The following DNM1 variants were observed in gnomAD, a reference collection of about 807,000 sequenced individuals.
The protein encoded by DNM1 is dynamin-1.
In DNM1, 29 loss-of-function variants were observed where a neutral mutation model predicts 104.6. That is an observed-to-expected ratio of 0.28 (90% CI 0.21 to 0.38). The LOEUF is 0.38. Ranked by LOEUF, DNM1 falls within the 10% of genes least tolerant of loss-of-function variation. The pLI, the probability that DNM1 is intolerant of heterozygous loss-of-function variation, is 1.00. For missense variants in DNM1, 640 were observed against 1,189.4 expected (o/e 0.54, Z 6.79); for synonymous variants, 445 against 475.8 (o/e 0.94, Z 0.84).
intron 16 of DNM1, among the ~76,000 whole-genome samples, 180 bp downstream of exon 16, chr9:128,246,683 C>T (rs1347491128): frequency 1.3e-5 from 2 of 149,960 alleles, no homozygotes; most frequent in South Asian, 2.1e-4. Flanking sequence ...GATCTCCCAT[C>T]CCCTCCCCTT....
intron 10 of DNM1, among the ~76,000 whole-genome samples, chr9:128,225,439 C>T (rs926448032): frequency 3.3e-5 from 5 of 152,182 alleles, no homozygotes; most frequent in East Asian, 1.9e-4. Context: ...CCACGGTTTA[C>T]GGGAATGGAC....
chr9:128,233,672 G>A (rs1255510671), intron 10 of DNM1: 1 of 307,188 alleles, frequency 3.3e-6, no homozygotes, highest in Non-Finnish European at 6.1e-6. Flanking sequence ...GGGAGCTAAC[G>A]GTCCCCAGAG....
intron 10 of DNM1, chr9:128,226,111 A>G (rs1329492448): frequency 1.2e-6 from 2 of 1,612,724 alleles, no homozygotes; most frequent in African/African-American, 1.3e-5. Flanking sequence ...AGAGCCCAGT[A>G]TCAAGTGTGT....
In DNM1 at chr9:128,239,721, C is replaced by A. The variant is rs1185359925; in HGVS notation, c.1494-7C>A. ...AGTTCTGAGACTCCTCCCCTCCCTC[C>A]CATTAGTGCTCAGCAGAGGAGCAAC... On this transcript the variant is annotated splice_region_variant and splice_polypyrimidine_tract_variant and intron_variant, in intron 12 of 21. Transcript: ENST00000372923. 3 of 1,612,830 alleles carry A rather than the reference C, an allele frequency of 1.9e-6. No individual in the cohort carries two copies.
chr9:128,247,569 C>A lies in DNM1; in HGVS notation c.1893+83C>A. Reference sequence around the variant, plus strand: ...CATCCTCAGTGATGCCAAGTCATGCCATGTTTCCGAGCCCTTATTTGGCTC... The same window carrying A: ...CATCCTCAGTGATGCCAAGTCATGCAATGTTTCCGAGCCCTTATTTGGCTC... On this transcript the variant is annotated intron_variant, in intron 17 of 21. Coordinates refer to ENST00000372923, the MANE Select transcript of DNM1 (RefSeq NM_004408.4). This position sits in a 1 kb window ranked among gnomAD's most constrained non-coding sequence, Gnocchi z 5.1. 1 of 1,140,164 alleles carries A rather than the reference C, an allele frequency of 8.8e-7. No homozygotes were observed. The highest frequency in any genetic ancestry group is 1.3e-5 in the South Asian group (1 of 74,358). The allele number at this position is 1,140,164 out of a possible 1,614,324, so 70.6% of individuals were successfully genotyped here. A position where few individuals can be genotyped will look rare whatever the true frequency, so the allele number is the denominator to read the frequency against.
intron 1 of DNM1, among the ~76,000 whole-genome samples, chr9:128,206,264 G>A (rs1833966059): frequency 1.3e-5 from 2 of 152,218 alleles, no homozygotes; most frequent in Non-Finnish European, 2.9e-5. Context: ...TGGGTGCTCA[G>A]GAGGATCCTG....
rs1836895326 is a variant in DNM1 at position 128,247,432 on chromosome 9, G to A, written c.1839G>A (p.Val613=). The A allele has an allele frequency of 6.2e-7, 1 of 1,613,652 alleles. No homozygotes were observed. Residue 613 remains valine, a synonymous_variant, in exon 17 of 22, where the codon GTG becomes GTA. Transcript: ENST00000372923. The surrounding 1 kb of genome is among the most constrained non-coding windows in gnomAD (Gnocchi z 5.1). Reference sequence around the variant, plus strand: ...TAGCCTGTGAGACACAGGAGGAGGTGGACAGCTGGAAGGCCTCCTTCCTGA... The same window carrying A: ...TAGCCTGTGAGACACAGGAGGAGGTAGACAGCTGGAAGGCCTCCTTCCTGA... ...LELACETQEE[V]DSWKASFLRA...
Position 128,222,088 on chromosome 9 carries a change from C to T in DNM1, c.850-109C>T, listed in dbSNP as rs879760095. On this transcript the variant is annotated intron_variant, in intron 6 of 21. Transcript: ENST00000372923. This position sits in a 1 kb window ranked among gnomAD's most constrained non-coding sequence, Gnocchi z 7.8. ...GGCCCGGGCAGCAGTGGCAGGGCTG[C>T]CCTCCATAGCTCTCCACCTCACCAC... 8 of 1,360,242 alleles carry T rather than the reference C, an allele frequency of 5.9e-6. No individual in the cohort carries two copies. The South Asian group carries it at 6.0e-5, about 10-fold the overall frequency. The allele number at this position is 1,360,242 out of a possible 1,614,324, so 84.3% of individuals were successfully genotyped here.
intron 1 of DNM1, among the ~76,000 whole-genome samples, chr9:128,216,027 C>T (rs1340755635): frequency 6.6e-6 from 1 of 151,928 alleles, no homozygotes; most frequent in East Asian, 1.9e-4. Context: ...TCCTCCCACC[C>T]CCCAGCAAAC....
At chr9:128,252,593 C>G in intron 21 of DNM1, 1 of 391,104 alleles carries the variant, frequency 2.6e-6, no homozygotes, top group East Asian at 7.2e-5. Flanking sequence ...CAGGGTGGGG[C>G]GCAAGGTGGA....
rs1191543970 is a variant in DNM1 at position 128,248,838 on chromosome 9, C to G, written c.2076+85C>G. 6.9e-6 allele frequency: 10 copies of G among 1,456,216 alleles called. No homozygotes were observed. Among genetic ancestry groups the G allele is most frequent in the African/African-American group, 2.8e-5 (2 of 72,104 alleles). 90.2% of individuals were successfully genotyped at this position (1,456,216 alleles called of 1,614,324 possible). ...ATGTTGGCCTGGGGGAGATGCCAACCAGCCCTATGGGACCAGGTCCAGGGA... is the reference window on the plus strand; with the variant it reads ...ATGTTGGCCTGGGGGAGATGCCAACGAGCCCTATGGGACCAGGTCCAGGGA... On this transcript the variant is annotated intron_variant, in intron 19 of 21. Coordinates refer to ENST00000372923, the MANE Select transcript of DNM1 (RefSeq NM_004408.4). This position sits in a 1 kb window ranked among gnomAD's most constrained non-coding sequence, Gnocchi z 5.6.
rs1457718792 is a variant in DNM1, at chr9:128,234,141, T to TCCTTCCACTCCTGGCCGCCTGCG, written c.1422+51_1422+73dup. ...CGCAGCACCCGGCCTGGCCGCGCCT[T>TCCTTCCACTCCTGGCCGCCTGCG]CCTTCCACTCCTGGCCGCCTGCGCC... On this transcript the variant is annotated intron_variant, in intron 11 of 21. Transcript: ENST00000372923. 1.4e-5 allele frequency: 21 copies of TCCTTCCACTCCTGGCCGCCTGCG among 1,485,846 alleles called. No homozygotes were observed. The African/African-American group carries it at 2.7e-4, about 19-fold the overall frequency. 92.0% of individuals were successfully genotyped at this position (1,485,846 alleles called of 1,614,324 possible). A position where few individuals can be genotyped will look rare whatever the true frequency, so the allele number is the denominator to read the frequency against.
Position 128,254,475 on chromosome 9 carries a change from C to A in DNM1, c.2535-179C>A. ...CGGCTCCTCCCTCCATCTTCCTCCC[C>A]TTTCCCTTCCAGCCCCTTTTCCAGG... On this transcript the variant is annotated intron_variant, in intron 21 of 21. Transcript: ENST00000372923. The surrounding 1 kb of genome is among the most constrained non-coding windows in gnomAD (Gnocchi z 6.1). The A allele has an allele frequency of 6.0e-6, 9 of 1,504,220 alleles. No individual in the cohort carries two copies. The highest frequency in any genetic ancestry group is 7.9e-6 in the Non-Finnish European group (9 of 1,134,966). 93.2% of individuals were successfully genotyped at this position (1,504,220 alleles called of 1,614,324 possible).
intron 14 of DNM1, among the ~76,000 whole-genome samples, chr9:128,241,835 G>A (rs1424662090): frequency 1.3e-5 from 2 of 152,284 alleles, no homozygotes; most frequent in East Asian, 1.9e-4. Flanking sequence ...AGGCAGAGGC[G>A]GCAGCAGCAT....
intron 1 of DNM1, among the ~76,000 whole-genome samples, chr9:128,206,228 G>C (rs1833960872): frequency 6.6e-6 from 1 of 152,048 alleles, no homozygotes. Context: ...AATGCATCAG[G>C]GCTGCCCCAG....
intron 10 of DNM1, among the ~76,000 whole-genome samples, chr9:128,227,354 A>G (rs1257107110): frequency 6.9e-6 from 1 of 145,252 alleles, no homozygotes; most frequent in Non-Finnish European, 1.5e-5. Flanking sequence ...GTATGTTGCT[A>G]CATAAAGATT....
In DNM1 at chr9:128,222,310, C is replaced by T. The variant is rs767861903; in HGVS notation, c.963C>T (p.Asp321=). The change falls in exon 7 of 22, where the codon GAC becomes GAT. Residue 321 remains aspartate, a synonymous_variant. Coordinates refer to ENST00000372923, the MANE Select transcript of DNM1 (RefSeq NM_004408.4). This position sits in a 1 kb window ranked among gnomAD's most constrained non-coding sequence, Gnocchi z 7.8. ...AATACAAGAACTTCCGCCCTGATGACCCAGCTCGCAAGACCAAGGCCCTGC... is the reference window on the plus strand; with the variant it reads ...AATACAAGAACTTCCGCCCTGATGATCCAGCTCGCAAGACCAAGGCCCTGC... ...VEEYKNFRPD[D]PARKTKALLQ... The T allele has an allele frequency of 1.2e-6, 2 of 1,613,906 alleles. No individual in the cohort carries two copies. The highest frequency in any genetic ancestry group is 1.7e-5 in the Admixed American group (1 of 59,996).
At position 128,220,735 on chromosome 9, in the gene DNM1, G is replaced by GCGCGCGCA. The variant is rs1554773767; in HGVS notation, c.849+401_849+402insACGCGCGC. 2.8e-5 allele frequency among the ~76,000 whole-genome samples: 4 copies of GCGCGCGCA among 140,858 alleles called. No individual in the cohort carries two copies. The highest frequency in any genetic ancestry group is 1.5e-4 in the Admixed American group (2 of 13,388). 92.4% of individuals were successfully genotyped at this position (140,858 alleles called of 152,430 possible). ...GGGCATCCAGAACTGAAGTGCGCGC[G>GCGCGCGCA]CGCGCGCGTGTGTGTGTGTGTGTGT... On this transcript the variant is annotated intron_variant, in intron 6 of 21. Coordinates refer to ENST00000372923, the MANE Select transcript of DNM1 (RefSeq NM_004408.4). The surrounding 1 kb of genome is among the most constrained non-coding windows in gnomAD (Gnocchi z 5.2).
In DNM1 at chr9:128,243,753, C is replaced by G. The variant is rs746496862; in HGVS notation, c.1671+1408C>G. Among the ~76,000 whole-genome samples, 4 of 151,998 alleles carry G rather than the reference C, an allele frequency of 2.6e-5. No homozygotes were observed. The highest frequency in any genetic ancestry group is 4.4e-5 in the Non-Finnish European group (3 of 67,976). ...TGACCTGGGGCTGAGGGCCGGAGAC[C>G]GGGTGACACTGTGGGGGAGGGGCAC... On this transcript the variant is annotated intron_variant, in intron 15 of 21. Transcript: ENST00000372923. This position sits in a 1 kb window ranked among gnomAD's most constrained non-coding sequence, Gnocchi z 4.0.
Sources: allele counts gnomAD v4.1 joint callset (sites outside exome capture counted in the v4.1 genomes callset), GRCh38; gene constraint gnomAD v4.1.1; non-coding constraint Gnocchi (gnomAD v3.1); transcripts MANE v1.5; gene names NCBI Gene and HGNC (gene_info 2026-07-23, HGNC 2026-07-21).